The following SQOR variants were observed in gnomAD, a reference collection of about 807,000 sequenced individuals.
The protein encoded by SQOR is sulfide:quinone oxidoreductase, mitochondrial.
Under a neutral mutation model 48.6 loss-of-function variants are expected in SQOR, and 39 were observed. That is an observed-to-expected ratio of 0.80 (90% CI 0.62 to 1.05). The LOEUF (loss-of-function observed/expected upper bound fraction) is 1.05. Among genes scored for constraint, SQOR ranks in the 50% least tolerant of loss-of-function variants. The pLI is 0.00. For missense variants in SQOR, 561 were observed against 559.9 expected, an observed-to-expected ratio of 1.00 and a Z score of -0.02; for synonymous variants, 220 against 206.2, an observed-to-expected ratio of 1.07 and a Z score of -0.57.
Position 45,671,064 on chromosome 15 carries a change from A to C in SQOR, c.459+1083A>C, listed in dbSNP as rs1434445880. ...GAGGCCAGTGCTCAGAGTTCATAGCAGCCTCTTGTAGCAAACCAAGTCACA... is the reference window on the plus strand; with the variant it reads ...GAGGCCAGTGCTCAGAGTTCATAGCCGCCTCTTGTAGCAAACCAAGTCACA... On this transcript the variant is annotated intron_variant, in intron 4 of 9. Transcript: ENST00000260324. 2.6e-5 allele frequency among the ~76,000 whole-genome samples: 4 copies of C among 152,346 alleles called. No individual in the cohort carries two copies. The East Asian group carries it at 7.7e-4, about 29-fold the overall frequency.
chr15:45,673,182 T>A (rs1889973432), intron 4 of SQOR, among the ~76,000 whole-genome samples: 2 of 152,232 alleles, frequency 1.3e-5, no homozygotes, highest in African/African-American at 4.8e-5. Flanking sequence ...AGTGCCTTTA[T>A]CTAGAGTTTG....
At chr15:45,680,204 C>T (rs1890103679) in intron 6 of SQOR, among the ~76,000 whole-genome samples, 1 of 152,010 alleles carries the variant, frequency 6.6e-6, no homozygotes, top group Admixed American at 6.6e-5. Flanking sequence ...AGGCAATCCT[C>T]CTACCTCAGC....
chr15:45,674,265 C>T (rs138970541), intron 5 of SQOR, among the ~76,000 whole-genome samples: 24 of 152,070 alleles, frequency 1.6e-4, no homozygotes, highest in African/African-American at 4.1e-4. Context: ...GGAGAAATCC[C>T]GTCTCTACTA....
chr15:45,686,847 G>A (rs777176339), intron 7 of SQOR, among the ~76,000 whole-genome samples: 7 of 152,256 alleles, frequency 4.6e-5, no homozygotes, highest in South Asian at 4.1e-4. Flanking sequence ...GTCTCATTCC[G>A]TCATGCAGGC....
At chr15:45,685,056 T>C (rs1329038156) in intron 7 of SQOR, among the ~76,000 whole-genome samples, 1 of 152,208 alleles carries the variant, frequency 6.6e-6, no homozygotes, top group Admixed American at 6.5e-5. Context: ...GAGTGCTCTT[T>C]ACCTGCTATT....
chr15:45,638,295 A>G (rs768389124), intron 1 of SQOR, among the ~76,000 whole-genome samples: 1 of 152,232 alleles, frequency 6.6e-6, no homozygotes, highest in Non-Finnish European at 1.5e-5. Flanking sequence ...TGACTGTATT[A>G]GGAGATAGTG....
At position 45,676,192 on chromosome 15, in the gene SQOR, T is replaced by A; in HGVS notation, c.746T>A (p.Ile249Asn). 6.2e-7 allele frequency: 1 copy of A among 1,614,108 alleles called. No homozygotes were observed. The highest frequency in any genetic ancestry group is 8.5e-7 in the Non-Finnish European group (1 of 1,180,024). The change falls in exon 6 of 10, where the codon ATC becomes AAC. Residue 249 changes from isoleucine (I) to asparagine (N), a missense_variant. Coordinates refer to ENST00000260324, the MANE Select transcript of SQOR (RefSeq NM_021199.4). Reference sequence around the variant, plus strand: ...AAGTATGCAGATGCCCTGCAGGAGATCATCCAGGAGCGGAACCTCACTGTT... The same window carrying A: ...AAGTATGCAGATGCCCTGCAGGAGAACATCCAGGAGCGGAACCTCACTGTT... ...VKKYADALQE[I>N]IQERNLTVNY...
At chr15:45,677,474 C>T (rs1462139408) in intron 6 of SQOR, among the ~76,000 whole-genome samples, 1 of 152,096 alleles carries the variant, frequency 6.6e-6, no homozygotes, top group Non-Finnish European at 1.5e-5. Flanking sequence ...AGCATTTTTT[C>T]CTCCAGTGCA....
At chr15:45,656,982 A>T (rs1889623054) in intron 1 of SQOR, among the ~76,000 whole-genome samples, 1 of 151,770 alleles carries the variant, frequency 6.6e-6, no homozygotes, top group Non-Finnish European at 1.5e-5. Context: ...AAATTTTTGT[A>T]TTTTTAGTAG....
At chr15:45,665,002 C>A (rs2140951219) in intron 3 of SQOR, among the ~76,000 whole-genome samples, 1 of 152,188 alleles carries the variant, frequency 6.6e-6, no homozygotes. Flanking sequence ...GAACACAGGG[C>A]CAGGAGACCT....
chr15:45,690,978 A>T lies in SQOR; in HGVS notation c.1301A>T (p.Tyr434Phe). The change falls in exon 10 of 10, where the codon TAC becomes TTC. Residue 434 changes from tyrosine to phenylalanine, a missense_variant. Coordinates refer to ENST00000260324, the MANE Select transcript of SQOR (RefSeq NM_021199.4). ...FLYWNMMLRG[Y>F]WGGPAFLRKL... ...TTTTGTGTTATTTCTTACAGGGGTT[A>T]CTGGGGAGGACCAGCGTTTCTGCGC... 2 of 1,614,044 alleles carry T rather than the reference A, an allele frequency of 1.2e-6. No homozygotes were observed. The highest frequency in any genetic ancestry group is 8.5e-7 in the Non-Finnish European group (1 of 1,179,974).
chr15:45,638,186 G>T (rs986501242), intron 1 of SQOR, among the ~76,000 whole-genome samples: 4 of 152,222 alleles, frequency 2.6e-5, no homozygotes, highest in African/African-American at 9.7e-5. Context: ...AGAACACACT[G>T]GGACTATCTA....
In SQOR at chr15:45,685,372, G is replaced by A. The variant is rs1247593690; in HGVS notation, c.1048+2711G>A. Among the ~76,000 whole-genome samples the A allele has an allele frequency of 2.0e-5, 3 of 152,084 alleles. No individual in the cohort carries two copies. In the East Asian group the frequency reaches 5.8e-4, roughly 29 times the overall value. On this transcript the variant is annotated intron_variant, in intron 7 of 9. Transcript: ENST00000260324. Reference sequence around the variant, plus strand: ...ACCAATCCTCTGTTCAGACCCTTATGCGATTGTGAGCGAGACCCATCTTGC... The same window carrying A: ...ACCAATCCTCTGTTCAGACCCTTATACGATTGTGAGCGAGACCCATCTTGC...
chr15:45,649,536 T>C lies in SQOR; in HGVS notation c.-17-9371T>C, dbSNP rs573592434. 8.5e-5 allele frequency among the ~76,000 whole-genome samples: 13 copies of C among 152,058 alleles called. 1 individual carries two copies. The highest frequency in any genetic ancestry group is 2.9e-4 in the African/African-American group (12 of 41,464). On this transcript the variant is annotated intron_variant, in intron 1 of 9. Transcript: ENST00000260324. ...TGTTGCCCAGGCTGGAGTGCAGTGG[T>C]GCAATCTTGGCTCACTGCAACCTCC...
chr15:45,645,514 C>G (rs916690587), intron 1 of SQOR, among the ~76,000 whole-genome samples: 2 of 152,160 alleles, frequency 1.3e-5, no homozygotes, highest in Non-Finnish European at 2.9e-5. Flanking sequence ...GTTGGCCTTA[C>G]GCAATCAGCT....
chr15:45,662,346 A>G lies in SQOR; in HGVS notation c.405+221A>G, dbSNP rs1287549832. On this transcript the variant is annotated intron_variant, in intron 3 of 9. Transcript: ENST00000260324. ...GAGTTAATAAACAACTAAGATAAGT[A>G]TTTGTTGAACACCCACTGTGCACCC... Among the ~76,000 whole-genome samples, 10 of 152,222 alleles carry G rather than the reference A, an allele frequency of 6.6e-5. 1 individual carries two copies. Among genetic ancestry groups the G allele is most frequent in the Admixed American group, 6.5e-4 (10 of 15,288 alleles).
intron 1 of SQOR, among the ~76,000 whole-genome samples, chr15:45,639,238 A>C (rs1895065037): frequency 6.6e-6 from 1 of 152,234 alleles, no homozygotes; most frequent in African/African-American, 2.4e-5. Flanking sequence ...GAAGTTGTTA[A>C]AGCCATATTC....
intron 1 of SQOR, among the ~76,000 whole-genome samples, chr15:45,650,119 A>C (rs931908318): frequency 6.6e-6 from 1 of 152,208 alleles, no homozygotes; most frequent in South Asian, 2.1e-4. Flanking sequence ...CTGGGATTAC[A>C]GGCACGAGCC....
rs1164680810 is a variant in SQOR at position 45,662,102 on chromosome 15, A to C, written c.382A>C (p.Ile128Leu). 2 of 1,614,006 alleles carry C rather than the reference A, an allele frequency of 1.2e-6. No individual in the cohort carries two copies. The highest frequency in any genetic ancestry group is 1.7e-6 in the Non-Finnish European group (2 of 1,179,954). ...VTELNPDKNC[I>L]HTDDDEKISY... ...TGAGTTGAACCCAGACAAGAACTGC[A>C]TTCACACAGATGACGACGAGAAGGT... The change falls in exon 3 of 10, where the codon ATT becomes CTT. Residue 128 changes from isoleucine to leucine, a missense_variant. Transcript: ENST00000260324.
Sources: allele counts gnomAD v4.1 joint callset (sites outside exome capture counted in the v4.1 genomes callset), GRCh38; gene constraint gnomAD v4.1.1; transcripts MANE v1.5; gene names NCBI Gene and HGNC (gene_info 2026-07-23, HGNC 2026-07-21).